The following VEPH1 variants were observed in gnomAD, a reference collection of about 807,000 sequenced individuals.
VEPH1 encodes ventricular zone expressed PH domain containing 1, also known as ventricular zone-expressed PH domain-containing protein homolog 1.
In VEPH1, 80 loss-of-function variants were observed where a neutral mutation model predicts 85.2. The ratio of observed to expected loss-of-function variants is 0.94; its 90% CI spans 0.78 to 1.13. The LOEUF (loss-of-function observed/expected upper bound fraction) is 1.13, where lower values mean the gene tolerates loss of function less well. Among genes scored for constraint, VEPH1 ranks in the 50% most tolerant of loss-of-function variants. The pLI is 0.00. For synonymous variants in VEPH1, 297 were observed against 348.0 expected (o/e 0.85, Z 1.63); for missense variants, 955 against 980.5 (o/e 0.97, Z 0.35).
rs1726315469 is a variant in VEPH1, at chr3:157,363,723, C to A, written c.1376G>T (p.Gly459Val). ...ATCTTCGCCGTCATCTGAACCCACA[C>A]CCTTTGTGAGCATAGTGTGGAAAGC... The part of the protein sequence containing the change: ...SLAFHTMLTK[G>V]VGSDDGEDEN... Residue 459 changes from glycine (G) to valine (V), a missense_variant, in exon 9 of 14, where the codon GGT becomes GTT. Gly to Val is a moderately radical substitution (Grantham distance 109). Coordinates refer to ENST00000362010, the MANE Select transcript of VEPH1 (RefSeq NM_001167912.2). 1.2e-6 allele frequency: 2 copies of A among 1,614,056 alleles called. No homozygotes were observed. The highest frequency in any genetic ancestry group is 1.7e-5 in the Admixed American group (1 of 60,008).
At chr3:157,475,721 C>A (rs1347451755) in intron 2 of VEPH1, among the ~76,000 whole-genome samples, 2 of 152,188 alleles carry the variant, frequency 1.3e-5, no homozygotes, top group African/African-American at 4.8e-5. Context: ...GATGGGTTGG[C>A]TGGGTATGTG....
chr3:157,397,125 T>C (rs1730459096), intron 6 of VEPH1, among the ~76,000 whole-genome samples: 1 of 152,126 alleles, frequency 6.6e-6, no homozygotes, highest in Admixed American at 6.5e-5. Flanking sequence ...AAGGAAAGGA[T>C]CCAGTTTCAA....
chr3:157,281,642 A>G (rs1233529441), intron 12 of VEPH1, among the ~76,000 whole-genome samples: 3 of 151,748 alleles, frequency 2.0e-5, no homozygotes, highest in South Asian at 2.1e-4. Flanking sequence ...GGTTCAAGCG[A>G]TTCTCCTGCC....
At chr3:157,479,745 C>A (rs1737842846) in intron 2 of VEPH1, among the ~76,000 whole-genome samples, 1 of 152,188 alleles carries the variant, frequency 6.6e-6, no homozygotes, top group Non-Finnish European at 1.5e-5. Context: ...TCACTCATCT[C>A]TCTAAGCCTC....
At chr3:157,419,724 G>A (rs1732188065) in intron 5 of VEPH1, among the ~76,000 whole-genome samples, 1 of 152,148 alleles carries the variant, frequency 6.6e-6, no homozygotes, top group East Asian at 1.9e-4. Flanking sequence ...ACTATTGGTG[G>A]GAATGTAAAT....
intron 7 of VEPH1, among the ~76,000 whole-genome samples, chr3:157,369,081 TC>T (rs1242867101): frequency 6.7e-6 from 1 of 149,946 alleles, no homozygotes; most frequent in Non-Finnish European, 1.5e-5. Context: ...CACATTGTTG[TC>T]TGAAGTCAGC....
intron 3 of VEPH1, among the ~76,000 whole-genome samples, chr3:157,466,827 T>C (rs1456112): frequency 0.65 from 98,703 of 152,128 alleles, 32,522 homozygotes; most frequent in African/African-American, 0.75. Flanking sequence ...ACTTGTCTAA[T>C]GACACAGGAT....
At chr3:157,339,134 G>A (rs563074175) in intron 9 of VEPH1, among the ~76,000 whole-genome samples, 5 of 152,262 alleles carry the variant, frequency 3.3e-5, no homozygotes, top group Non-Finnish European at 5.9e-5. Flanking sequence ...TGAGATAACT[G>A]GGTTATTTAA....
intron 12 of VEPH1, among the ~76,000 whole-genome samples, chr3:157,279,358 GTGCAGTGCA>G (rs1303719576): frequency 2.0e-5 from 3 of 152,198 alleles, no homozygotes; most frequent in Non-Finnish European, 4.4e-5. Context: ...ACTGAACCAT[GTGCAGTGCA>G]TGGGTGACTT....
chr3:157,492,695 A>G (rs1739324659), intron 2 of VEPH1, among the ~76,000 whole-genome samples: 1 of 152,218 alleles, frequency 6.6e-6, no homozygotes, highest in Admixed American at 6.5e-5. Context: ...CTGGCTAAGC[A>G]GAGGAACATG....
intron 7 of VEPH1, 152 bp from the exon 8 acceptor site, chr3:157,364,664 A>G: frequency 2.8e-6 from 2 of 708,698 alleles, no homozygotes; most frequent in Non-Finnish European, 4.5e-6. Flanking sequence ...CTGCAGGCAT[A>G]GGTCTTTGAA....
rs1183106558 is a variant in VEPH1 at position 157,429,879 on chromosome 3, G to C, written c.530-1391C>G. 6.6e-5 allele frequency among the ~76,000 whole-genome samples: 10 copies of C among 152,286 alleles called. No homozygotes were observed. The East Asian group carries it at 1.9e-3, about 29-fold the overall frequency. ...TTGCAGTCTAAGACAGGAAACTGTT[G>C]CATGGCATTTCGGTACAAAACTCAC... On this transcript the variant is annotated intron_variant, in intron 4 of 13. Coordinates refer to ENST00000362010, the MANE Select transcript of VEPH1 (RefSeq NM_001167912.2).
Position 157,468,531 on chromosome 3 carries a change from C to T in VEPH1, c.354+1783G>A, listed in dbSNP as rs143809874. Reference sequence around the variant, plus strand: ...CGGAGGTTGCAGTGAGCCGAGATCACGCCACTGCACTCCAGCCTGGGCGAC... The same window carrying T: ...CGGAGGTTGCAGTGAGCCGAGATCATGCCACTGCACTCCAGCCTGGGCGAC... On this transcript the variant is annotated intron_variant, in intron 3 of 13. Transcript: ENST00000362010. Among the ~76,000 whole-genome samples, 1,314 of 152,078 alleles carry T rather than the reference C, an allele frequency of 8.6e-3. 16 individuals carry two copies. Among genetic ancestry groups the T allele is most frequent in the African/African-American group, 0.03 (1,236 of 41,488 alleles).
intron 1 of VEPH1, among the ~76,000 whole-genome samples, chr3:157,498,964 T>C (rs970392183): frequency 1.3e-5 from 2 of 152,096 alleles, no homozygotes; most frequent in African/African-American, 4.8e-5. Flanking sequence ...ACATCAACCT[T>C]TTTGCTAGAC....
intron 6 of VEPH1, among the ~76,000 whole-genome samples, chr3:157,386,758 A>G (rs745395125): frequency 8.5e-4 from 130 of 152,354 alleles, no homozygotes; most frequent in Non-Finnish European, 7.3e-4. Flanking sequence ...TGTGGTGGTA[A>G]AGAATATGAC....
chr3:157,267,176 A>G (rs1467335340), intron 12 of VEPH1, among the ~76,000 whole-genome samples: 1 of 144,560 alleles, frequency 6.9e-6, no homozygotes, highest in Non-Finnish European at 1.5e-5. Flanking sequence ...GCTCATTGCA[A>G]CCTCCACCTC....
chr3:157,495,561 G>A (rs1739599180), intron 1 of VEPH1, 55 bp from the exon 2 acceptor site: 1 of 1,191,136 alleles, frequency 8.4e-7, no homozygotes, highest in Non-Finnish European at 1.1e-6. Context: ...CATAAGCTCA[G>A]AATGTGAACT....
chr3:157,418,722 T>A (rs146993012), intron 5 of VEPH1, among the ~76,000 whole-genome samples: 66 of 152,152 alleles, frequency 4.3e-4, no homozygotes, highest in African/African-American at 1.5e-3. Flanking sequence ...TGCTCATAGA[T>A]AGAAAGAATC....
rs566083396 is a variant in VEPH1, at chr3:157,391,139, A to G, written c.907-9763T>C. Among the ~76,000 whole-genome samples the G allele has an allele frequency of 2.0e-3, 308 of 152,320 alleles. 1 individual carries two copies. Among genetic ancestry groups the G allele is most frequent in the Non-Finnish European group, 6.0e-4 (41 of 68,026 alleles). Reference sequence around the variant, plus strand: ...CACGCCTGTCTCACCTGTGGTGGGCATGGGGTCTGGGCCAGTAGTGTGAGT... The same window carrying G: ...CACGCCTGTCTCACCTGTGGTGGGCGTGGGGTCTGGGCCAGTAGTGTGAGT... On this transcript the variant is annotated intron_variant, in intron 6 of 13. Transcript: ENST00000362010.
Sources: gnomAD v4.1 joint callset for allele counts (sites outside exome capture counted in the v4.1 genomes callset) on GRCh38, gnomAD v4.1.1 for gene constraint, MANE v1.5 for transcripts, NCBI Gene and HGNC (gene_info 2026-07-23, HGNC 2026-07-21) for gene names.